ABCG1: variants seen among roughly 807,000 people sequenced by gnomAD.
The protein encoded by ABCG1 is ATP binding cassette subfamily G member 1, also known as ATP-binding cassette sub-family G member 1.
Under a neutral mutation model 69.2 loss-of-function variants are expected in ABCG1, and 29 were observed. The ratio of observed to expected loss-of-function variants is 0.42; its 90% CI spans 0.31 to 0.57. ABCG1 has a LOEUF of 0.57. Ranked by LOEUF, ABCG1 falls within the 20% of genes least tolerant of loss-of-function variation. The probability of loss-of-function intolerance (pLI) is 0.15; values close to 1 mark genes in which losing one functional copy is unlikely to be tolerated. For synonymous variants in ABCG1, 370 were observed against 374.8 expected (o/e 0.99, Z 0.15); for missense variants, 718 against 898.1 (o/e 0.80, Z 2.56).
intron 2 of ABCG1, among the ~76,000 whole-genome samples, chr21:42,265,969 G>T (rs982477315): frequency 2.0e-5 from 3 of 152,182 alleles, no homozygotes; most frequent in African/African-American, 7.2e-5. Context: ...CTGGATAAGT[G>T]GGCTTGCTCT....
In ABCG1 at chr21:42,219,421, G is replaced by T; in HGVS notation, c.42+117G>T. ...CCTCCCAGGAGCGCGTCCTCTGGGC[G>T]CTGACCCAGGGCACCCTAGAGTGGC... On this transcript the variant is annotated intron_variant, in intron 1 of 14. Coordinates refer to ENST00000398449, the MANE Select transcript of ABCG1 (RefSeq NM_016818.3). This position sits in a 1 kb window ranked among gnomAD's most constrained non-coding sequence, Gnocchi z 5.3. 1 of 1,403,552 alleles carries T rather than the reference G, an allele frequency of 7.1e-7. No individual in the cohort carries two copies. Among genetic ancestry groups the T allele is most frequent in the South Asian group, 1.4e-5 (1 of 73,900 alleles). The allele number at this position is 1,403,552 out of a possible 1,614,324, so 86.9% of individuals were successfully genotyped here. A position where few individuals can be genotyped will look rare whatever the true frequency, so the allele number is the denominator to read the frequency against.
At chr21:42,221,276 G>A (rs930357011) in intron 1 of ABCG1, 7 of 152,148 alleles carry the variant, frequency 4.6e-5, no homozygotes, top group African/African-American at 1.7e-4. Flanking sequence ...GAATTCTGGG[G>A]GCTGTAGGGT....
At position 42,248,088 on chromosome 21, in the gene ABCG1, G is replaced by A. The variant is rs1256457609; in HGVS notation, c.286+22174G>A. Among the ~76,000 whole-genome samples, 3 of 152,168 alleles carry A rather than the reference G, an allele frequency of 2.0e-5. No individual in the cohort carries two copies. The East Asian group carries it at 5.8e-4, about 29-fold the overall frequency. ...GCAAAGATGGTCATGAGAGAGCAAC[G>A]TTTTGAAAAAGAAAAGTGGTAGGAA... is the stretch of plus-strand genomic sequence containing the variant. On this transcript the variant is annotated intron_variant, in intron 2 of 14. Coordinates refer to ENST00000398449, the MANE Select transcript of ABCG1 (RefSeq NM_016818.3).
intron 2 of ABCG1, among the ~76,000 whole-genome samples, chr21:42,204,202 C>CT (rs2067526739): frequency 6.6e-6 from 1 of 151,940 alleles, no homozygotes; most frequent in Non-Finnish European, 1.5e-5. Flanking sequence ...AACAGTTTTG[C>CT]TTTTTTTTCC....
rs915358360 is a variant in ABCG1 at position 42,284,434 on chromosome 21, G to C, written c.735-126G>C. Reference sequence around the variant, plus strand: ...AAGAGCAGAGCCCGGCCTGGGACGGGGCAGCTGCAGCTGCAGCCCCTGATG... The same window carrying C: ...AAGAGCAGAGCCCGGCCTGGGACGGCGCAGCTGCAGCTGCAGCCCCTGATG... On this transcript the variant is annotated intron_variant, in intron 6 of 14. Transcript: ENST00000398449. 5.0e-6 allele frequency: 6 copies of C among 1,195,304 alleles called. No homozygotes were observed. The African/African-American group carries it at 7.6e-5, about 15-fold the overall frequency. 74.0% of individuals were successfully genotyped at this position (1,195,304 alleles called of 1,614,324 possible). A position where few individuals can be genotyped will look rare whatever the true frequency, so the allele number is the denominator to read the frequency against.
At position 42,219,402 on chromosome 21, in the gene ABCG1, A is replaced by G; in HGVS notation, c.42+98A>G. ...GCAAGCTCGACCTGACACCCCTCCC[A>G]GGAGCGCGTCCTCTGGGCGCTGACC... On this transcript the variant is annotated intron_variant, in intron 1 of 14. Transcript: ENST00000398449. This position sits in a 1 kb window ranked among gnomAD's most constrained non-coding sequence, Gnocchi z 5.3. 6.7e-7 allele frequency: 1 copy of G among 1,492,258 alleles called. No individual in the cohort carries two copies. Among genetic ancestry groups the G allele is most frequent in the Non-Finnish European group, 8.9e-7 (1 of 1,117,864 alleles). The allele number at this position is 1,492,258 out of a possible 1,614,324, so 92.4% of individuals were successfully genotyped here. A position where few individuals can be genotyped will look rare whatever the true frequency, so the allele number is the denominator to read the frequency against.
intron 2 of ABCG1, among the ~76,000 whole-genome samples, chr21:42,269,129 A>G (rs1181965877): frequency 6.6e-6 from 1 of 152,190 alleles, no homozygotes; most frequent in African/African-American, 2.4e-5. Flanking sequence ...CAGGCAGCTC[A>G]TAAGTTTGAG....
Position 42,283,675 on chromosome 21 carries a change from GA to G in ABCG1, c.735-883del, listed in dbSNP as rs1287728659. 7.2e-4 allele frequency among the ~76,000 whole-genome samples: 92 copies of G among 127,394 alleles called. 1 individual carries two copies. The highest frequency in any genetic ancestry group is 2.0e-3 in the African/African-American group (66 of 33,584). 83.6% of individuals were successfully genotyped at this position (127,394 alleles called of 152,430 possible). ...GTCCCCCCCCACCCAAATGAGTGGG[GA>G]ACCCCCACCTCTTTCCCACCTGGAC... is the stretch of plus-strand genomic sequence containing the variant. On this transcript the variant is annotated intron_variant, in intron 6 of 14. Transcript: ENST00000398449.
At chr21:42,262,207 A>T (rs563292073) in intron 2 of ABCG1, among the ~76,000 whole-genome samples, 11 of 152,262 alleles carry the variant, frequency 7.2e-5, no homozygotes, top group African/African-American at 2.2e-4. Context: ...CATACTTCCT[A>T]GCAGAGGCTG....
At chr21:42,284,203 C>CT (rs374175716) in intron 6 of ABCG1, among the ~76,000 whole-genome samples, 1 of 127,898 alleles carries the variant, frequency 7.8e-6, no homozygotes, top group African/African-American at 3.4e-5. Flanking sequence ...TGCAAAGTCC[C>CT]CCCGCCCAGA....
chr21:42,256,345 G>C (rs570066944), intron 2 of ABCG1: 1 of 1,550,096 alleles, frequency 6.5e-7, no homozygotes, highest in South Asian at 1.2e-5. Context: ...TGGGGCTCCG[G>C]GACATGGTCA....
At chr21:42,201,123 G>T (rs2067503141) in intron 1 of ABCG1, among the ~76,000 whole-genome samples, 1 of 151,684 alleles carries the variant, frequency 6.6e-6, no homozygotes, top group South Asian at 2.1e-4. Context: ...ACTGTCACTT[G>T]CCACTCACTG....
intron 2 of ABCG1, among the ~76,000 whole-genome samples, chr21:42,262,883 G>A (rs1309633673): frequency 6.6e-6 from 1 of 152,224 alleles, no homozygotes; most frequent in Non-Finnish European, 1.5e-5. Flanking sequence ...GGCTGGCGCG[G>A]TGCCCACCCC....
chr21:42,288,670 T>C lies in ABCG1; in HGVS notation c.1224+358T>C, dbSNP rs932835052. Among the ~76,000 whole-genome samples the C allele has an allele frequency of 6.7e-6, 1 of 149,734 alleles. No individual in the cohort carries two copies. The highest frequency in any genetic ancestry group is 1.5e-5 in the Non-Finnish European group (1 of 67,730). ...TTGCAGTGAGCCGAGATTGCACCAC[T>C]GCACTCCAGCCTGGGTGACAGAGAG... On this transcript the variant is annotated intron_variant, in intron 10 of 14. Transcript: ENST00000398449. This position sits in a 1 kb window ranked among gnomAD's most constrained non-coding sequence, Gnocchi z 4.8.
intron 13 of ABCG1, among the ~76,000 whole-genome samples, chr21:42,292,543 CCT>C (rs2069083645): frequency 6.6e-6 from 1 of 151,964 alleles, no homozygotes; most frequent in African/African-American, 2.4e-5. Context: ...CTGGGATGCC[CCT>C]GTCTGCACGG....
At position 42,200,897 on chromosome 21, in the gene ABCG1, T is replaced by G. The variant is rs141704555; in HGVS notation, c.-99-680T>G. 1.2e-4 allele frequency among the ~76,000 whole-genome samples: 19 copies of G among 152,212 alleles called. No individual in the cohort carries two copies. The East Asian group carries it at 3.7e-3, about 29-fold the overall frequency. ...AACCACCACGCCTGGCCTACTGTGT[T>G]TTTTGTATTTTGTTTTATTCTTATT... On this transcript the variant is annotated intron_variant, in intron 1 of 15. Coordinates refer to the ABCG1 transcript ENST00000398457.
intron 2 of ABCG1, among the ~76,000 whole-genome samples, chr21:42,237,844 G>T (rs1322528149): frequency 6.6e-6 from 1 of 152,198 alleles, no homozygotes; most frequent in African/African-American, 2.4e-5. Context: ...GATGGACAGA[G>T]GGGTGGCTGG....
intron 5 of ABCG1, among the ~76,000 whole-genome samples, chr21:42,280,637 G>A (rs2068791164): frequency 6.6e-6 from 1 of 152,242 alleles, no homozygotes; most frequent in Non-Finnish European, 1.5e-5. Flanking sequence ...TGGAGAAAGT[G>A]GGGTGGGCCC....
At chr21:42,214,934 T>A (rs2067623838), upstream of ABCG1, among the ~76,000 whole-genome samples, 1 of 152,226 alleles carries the variant, frequency 6.6e-6, no homozygotes. Flanking sequence ...CAGCTTTCTT[T>A]GTTTTTTTGT....
Sources: allele counts gnomAD v4.1 joint callset (sites outside exome capture counted in the v4.1 genomes callset), GRCh38; gene constraint gnomAD v4.1.1; non-coding constraint Gnocchi (gnomAD v3.1); transcripts MANE v1.5; gene names NCBI Gene and HGNC (gene_info 2026-07-23, HGNC 2026-07-21).